The following TP53BP2 variants were observed in gnomAD, a reference collection of about 807,000 sequenced individuals.
TP53BP2 encodes tumor protein p53 binding protein 2.
Under a neutral mutation model 126.2 loss-of-function variants are expected in TP53BP2, and 62 were observed. That is an observed-to-expected ratio of 0.49 (90% CI 0.40 to 0.61). TP53BP2 has a LOEUF of 0.61. TP53BP2 is among the 20% of genes least tolerant of loss of function. TP53BP2 has a pLI of 0.00. For synonymous variants in TP53BP2, 485 were observed against 502.9 expected, an observed-to-expected ratio of 0.96 and a Z score of 0.48; for missense variants, 1,215 against 1,402.8, an observed-to-expected ratio of 0.87 and a Z score of 2.14.
In TP53BP2 at chr1:223,794,490, G is replaced by A. The variant is rs994880056; in HGVS notation, c.2725-1050C>T. Among the ~76,000 whole-genome samples, 8 of 152,244 alleles carry A rather than the reference G, an allele frequency of 5.3e-5. No homozygotes were observed. In the East Asian group the frequency reaches 9.6e-4, roughly 18 times the overall value. ...TAGTTGCTTCTATTTTACTTAAATCGAGAAGGAAAAGGTAAGACACCTTCC... is the reference window on the plus strand; with the variant it reads ...TAGTTGCTTCTATTTTACTTAAATCAAGAAGGAAAAGGTAAGACACCTTCC... On this transcript the variant is annotated intron_variant, in intron 13 of 17. Transcript: ENST00000343537.
At chr1:223,844,843 A>T (rs1664214822) in intron 1 of TP53BP2, among the ~76,000 whole-genome samples, 1 of 152,226 alleles carries the variant, frequency 6.6e-6, no homozygotes, top group Non-Finnish European at 1.5e-5. Flanking sequence ...TGCCTGCAAG[A>T]TGTCCCCACT....
rs934137891 is a variant in TP53BP2, at chr1:223,804,310, T to C, written c.513A>G (p.Arg171=). Reference sequence around the variant, plus strand: ...CCTGCTCAGCAACTTGTTGCTGTTGTCGCTGATCTTGTTGTTTCAAAAACT... The same window carrying C: ...CCTGCTCAGCAACTTGTTGCTGTTGCCGCTGATCTTGTTGTTTCAAAAACT... The part of the protein sequence containing the change: ...RLKFLKQQDQ[R]QQQQVAEQEK... The change falls in exon 6 of 18, where the codon CGA becomes CGG. Residue 171 remains arginine (R), a synonymous_variant. Coordinates refer to ENST00000343537, the MANE Select transcript of TP53BP2 (RefSeq NM_001031685.3). The C allele has an allele frequency of 6.2e-7, 1 of 1,613,926 alleles. No homozygotes were observed. Among genetic ancestry groups the C allele is most frequent in the Admixed American group, 1.7e-5 (1 of 59,976 alleles).
intron 1 of TP53BP2, among the ~76,000 whole-genome samples, chr1:223,837,203 C>A (rs1482734150): frequency 6.6e-6 from 1 of 150,568 alleles, no homozygotes; most frequent in Non-Finnish European, 1.5e-5. Context: ...GCATCAGAAG[C>A]TTCCAGAGCA....
chr1:223,803,121 C>T (rs1033565801), intron 7 of TP53BP2, 150 bp downstream of exon 7: 2 of 1,033,812 alleles, frequency 1.9e-6, no homozygotes, highest in Non-Finnish European at 2.8e-6. Context: ...ATAAAGTTTA[C>T]TCTGGATTCT....
At chr1:223,813,699 G>A (rs1015764203) in intron 3 of TP53BP2, among the ~76,000 whole-genome samples, 2 of 152,090 alleles carry the variant, frequency 1.3e-5, no homozygotes, top group Admixed American at 1.3e-4. Context: ...AATCATGTAT[G>A]GTCTCATGGT....
Position 223,796,278 on chromosome 1 carries a change from T to G in TP53BP2, c.2261A>C (p.Asn754Thr), listed in dbSNP as rs1205972465. The G allele has an allele frequency of 8.1e-6, 13 of 1,614,012 alleles. No homozygotes were observed. Among genetic ancestry groups the G allele is most frequent in the Non-Finnish European group, 9.3e-6 (11 of 1,180,022 alleles). The change falls in exon 13 of 18, where the codon AAT becomes ACT. Residue 754 changes from asparagine (N) to threonine (T), a missense_variant. This residue lies in a region of TP53BP2 where 46 missense variants were observed against 93.0 expected (regional missense o/e 0.49). Transcript: ENST00000343537. The surrounding 1 kb of genome is among the most constrained non-coding windows in gnomAD (Gnocchi z 4.2). The part of the protein sequence containing the change: ...ITEPEGPNGP[N>T]IQKLLYQRTT... ...CCTCTGATATAAAAGCTTCTGAATA[T>G]TTGGCCCATTAGGACCCTCTGGCTC...
chr1:223,818,331 A>C (rs983039188), intron 2 of TP53BP2: 2 of 151,888 alleles, frequency 1.3e-5, no homozygotes, highest in African/African-American at 4.8e-5. Flanking sequence ...ATGAAACTCT[A>C]TCTCTACTAA....
At chr1:223,816,435 C>T (rs1218693164) in intron 2 of TP53BP2, among the ~76,000 whole-genome samples, 4 of 151,754 alleles carry the variant, frequency 2.6e-5, no homozygotes, top group Non-Finnish European at 4.4e-5. Flanking sequence ...ACTAATAGGC[C>T]TAAGATCCTG....
At chr1:223,792,583 A>G (rs1662189482) in intron 14 of TP53BP2, 61 bp from the exon 15 acceptor site, 1 of 1,581,088 alleles carries the variant, frequency 6.3e-7, no homozygotes, top group African/African-American at 1.3e-5. Flanking sequence ...TGTCACTACT[A>G]ACTGGCTCCT....
chr1:223,818,354 A>C (rs1232143127), intron 2 of TP53BP2: 1 of 151,840 alleles, frequency 6.6e-6, no homozygotes, highest in Non-Finnish European at 1.5e-5. Flanking sequence ...ATACAAAAAA[A>C]ATTAGCTGGT....
At chr1:223,826,622 C>T (rs544929087) in intron 1 of TP53BP2, among the ~76,000 whole-genome samples, 2 of 152,262 alleles carry the variant, frequency 1.3e-5, no homozygotes, top group East Asian at 1.9e-4. Context: ...GATAGTTACA[C>T]AACATTGTGA....
chr1:223,790,665 T>C (rs1662127109), intron 15 of TP53BP2, among the ~76,000 whole-genome samples: 1 of 150,330 alleles, frequency 6.7e-6, no homozygotes, highest in East Asian at 2.0e-4. Flanking sequence ...AGTACAGCAA[T>C]GCAATCTCAG....
Position 223,780,737 on chromosome 1 carries a change from C to A in TP53BP2, c.*116G>T. On this transcript the variant is annotated 3_prime_UTR_variant, in exon 18 of 18. Coordinates refer to ENST00000343537, the MANE Select transcript of TP53BP2 (RefSeq NM_001031685.3). ...TCTCTTCTAGAGACATTCTTCATCG[C>A]TTTCAAGCTACATTGTCATTAAAAT... The A allele has an allele frequency of 1.0e-6, 1 of 965,464 alleles. No homozygotes were observed. Among genetic ancestry groups the A allele is most frequent in the South Asian group, 1.6e-5 (1 of 64,326 alleles). The allele number at this position is 965,464 out of a possible 1,614,324, so 59.8% of individuals were successfully genotyped here.
rs760551469 is a variant in TP53BP2, at chr1:223,793,456, G to A, written c.2725-16C>T. The A allele has an allele frequency of 3.9e-6, 6 of 1,554,616 alleles. No homozygotes were observed. The South Asian group carries it at 6.2e-5, about 16-fold the overall frequency. ...TCCTTTTACCCTGCAAAGAAAATGG[G>A]TGGAAAATTTAGGATCCTCGTCTAT... On this transcript the variant is annotated splice_polypyrimidine_tract_variant and intron_variant, in intron 13 of 17. Transcript: ENST00000343537.
intron 11 of TP53BP2, among the ~76,000 whole-genome samples, chr1:223,799,003 T>A (rs574311152): frequency 6.6e-6 from 1 of 152,290 alleles, no homozygotes; most frequent in South Asian, 2.1e-4. Context: ...ATCCAGGAGG[T>A]GGAGGTTGTA....
At chr1:223,799,161 G>T (rs567497913) in intron 11 of TP53BP2, among the ~76,000 whole-genome samples, 1 of 152,002 alleles carries the variant, frequency 6.6e-6, no homozygotes, top group South Asian at 2.1e-4. Context: ...TATAGACAGG[G>T]TCTCGTTTTG....
rs1283439291 is a variant in TP53BP2, at chr1:223,792,632, T to G, written c.2863-110A>C. The G allele has an allele frequency of 2.6e-5, 28 of 1,083,312 alleles. No homozygotes were observed. In the South Asian group the frequency reaches 5.6e-4, roughly 22 times the overall value. 67.1% of individuals were successfully genotyped at this position (1,083,312 alleles called of 1,614,324 possible). ...GACAGAAATGGACTCTTGTGACACT[T>G]TTAAAAATCATAATTAAAACCTATA... On this transcript the variant is annotated intron_variant, in intron 14 of 17. Transcript: ENST00000343537.
At position 223,796,472 on chromosome 1, in the gene TP53BP2, T is replaced by A; in HGVS notation, c.2067A>T (p.Ser689=). Residue 689 remains serine (S), a synonymous_variant, in exon 13 of 18, where the codon TCA becomes TCT. Transcript: ENST00000343537. This position sits in a 1 kb window ranked among gnomAD's most constrained non-coding sequence, Gnocchi z 4.2. ...SPEPETEPVS[S]VQENHENERI... ...TTTCGTTTTCATGGTTCTCCTGAACTGAAGAAACAGGCTCTGTTTCAGGTT... is the reference window on the plus strand; with the variant it reads ...TTTCGTTTTCATGGTTCTCCTGAACAGAAGAAACAGGCTCTGTTTCAGGTT... 1 of 1,614,194 alleles carries A rather than the reference T, an allele frequency of 6.2e-7. No individual in the cohort carries two copies. The highest frequency in any genetic ancestry group is 1.6e-4 in the Middle Eastern group (1 of 6,062).
chr1:223,783,389 T>C (rs1270977362), intron 17 of TP53BP2, among the ~76,000 whole-genome samples: 1 of 152,188 alleles, frequency 6.6e-6, no homozygotes, highest in African/African-American at 2.4e-5. Context: ...TCCTCAACCC[T>C]TTCCTTACTT....
Sources: allele counts gnomAD v4.1 joint callset (sites outside exome capture counted in the v4.1 genomes callset), GRCh38; gene constraint gnomAD v4.1.1; regional missense constraint gnomAD v4.1.1; non-coding constraint Gnocchi (gnomAD v3.1); transcripts MANE v1.5; gene names NCBI Gene and HGNC (gene_info 2026-07-23, HGNC 2026-07-21).